CSMD2: variants seen among roughly 807,000 people sequenced by gnomAD.
The protein encoded by CSMD2 is CUB and sushi domain-containing protein 2.
In CSMD2, 130 loss-of-function variants were observed where a neutral mutation model predicts 398.5. That is an observed-to-expected ratio of 0.33 (90% CI 0.28 to 0.38). The LOEUF (loss-of-function observed/expected upper bound fraction) is 0.38. Ranked by LOEUF, CSMD2 falls within the 10% of genes least tolerant of loss-of-function variation. The probability of loss-of-function intolerance (pLI) is 1.00; values close to 1 mark genes in which losing one functional copy is unlikely to be tolerated. For synonymous variants in CSMD2, 1,828 were observed against 1,908.5 expected, an observed-to-expected ratio of 0.96 and a Z score of 1.10; for missense variants, 3,829 against 4,764.9, an observed-to-expected ratio of 0.80 and a Z score of 5.78.
intron 32 of CSMD2, among the ~76,000 whole-genome samples, chr1:33,630,337 A>G (rs1296435991): frequency 5.9e-5 from 9 of 152,226 alleles, no homozygotes; most frequent in Admixed American, 6.5e-5. Flanking sequence ...GTTACAAAAA[A>G]TTCATTTGGT....
chr1:33,571,671 A>G lies in CSMD2; in HGVS notation c.7818T>C (p.Leu2606=). ...GGAACTGATACTGTGTCTCAAAGAT[A>G]AGCCTCCATCGGCCATGCTCCACGC... ...SISVEHGRWR[L]IFETQYQFQA... is the part of the protein sequence containing the mutation. The change falls in exon 51 of 71, where the codon CTT becomes CTC. Residue 2606 remains leucine (L), a synonymous_variant. Transcript: ENST00000373381. The G allele has an allele frequency of 6.3e-7, 1 of 1,578,026 alleles. No individual in the cohort carries two copies.
At chr1:33,588,863 G>A (rs1378460273) in intron 44 of CSMD2, among the ~76,000 whole-genome samples, 1 of 152,088 alleles carries the variant, frequency 6.6e-6, no homozygotes. Context: ...TGAACAGCAT[G>A]GAGTGACACC....
At chr1:33,754,169 A>G (rs1569739800) in intron 13 of CSMD2, among the ~76,000 whole-genome samples, 1 of 152,222 alleles carries the variant, frequency 6.6e-6, no homozygotes, top group African/African-American at 2.4e-5. Context: ...CGAATAGCAC[A>G]TTGAAATGTA....
chr1:34,063,064 TACC>T (rs1654702737), intron 2 of CSMD2, among the ~76,000 whole-genome samples: 1 of 152,086 alleles, frequency 6.6e-6, no homozygotes, highest in Non-Finnish European at 1.5e-5. Context: ...ACTTATTCAC[TACC>T]ACAAGAACAG....
chr1:33,954,364 AG>A (rs1273878721), intron 3 of CSMD2, among the ~76,000 whole-genome samples: 3 of 151,432 alleles, frequency 2.0e-5, no homozygotes, highest in African/African-American at 4.9e-5. Context: ...GATCTAGTGG[AG>A]GCCAAGTGAG....
chr1:33,982,073 A>G (rs949779997), intron 3 of CSMD2, among the ~76,000 whole-genome samples: 3 of 152,144 alleles, frequency 2.0e-5, no homozygotes, highest in African/African-American at 7.2e-5. Context: ...ACAAGATGGA[A>G]CCTCAGGCTA....
chr1:34,086,217 A>G (rs952993702), intron 2 of CSMD2, among the ~76,000 whole-genome samples: 1 of 152,074 alleles, frequency 6.6e-6, no homozygotes, highest in Non-Finnish European at 1.5e-5. Context: ...TCAAACATGC[A>G]TTCAACATTC....
chr1:33,793,904 G>A (rs921554285), intron 10 of CSMD2, among the ~76,000 whole-genome samples: 11 of 152,102 alleles, frequency 7.2e-5, no homozygotes, highest in Non-Finnish European at 2.9e-5. Flanking sequence ...ATAAGGACAG[G>A]ACACACACAG....
intron 1 of CSMD2, among the ~76,000 whole-genome samples, chr1:34,111,851 C>T (rs1661110727): frequency 6.6e-6 from 1 of 152,118 alleles, no homozygotes; most frequent in Non-Finnish European, 1.5e-5. Flanking sequence ...AAGAGCTGAC[C>T]AGAGCTAAGA....
At chr1:33,708,406 T>C (rs905993577) in intron 22 of CSMD2, among the ~76,000 whole-genome samples, 4 of 151,862 alleles carry the variant, frequency 2.6e-5, no homozygotes, top group Non-Finnish European at 4.4e-5. Context: ...ACCAAATAAA[T>C]ACATGGACAC....
intron 44 of CSMD2, among the ~76,000 whole-genome samples, chr1:33,597,447 C>G (rs1213166049): frequency 1.3e-5 from 2 of 152,206 alleles, no homozygotes; most frequent in Non-Finnish European, 2.9e-5. Context: ...CTCCTTGGAG[C>G]AGGAAAGCTG....
chr1:33,996,978 A>G (rs932211348), intron 3 of CSMD2, among the ~76,000 whole-genome samples: 2 of 152,218 alleles, frequency 1.3e-5, no homozygotes, highest in Admixed American at 1.3e-4. Flanking sequence ...TATTCTGCAC[A>G]TGCAGAAACT....
chr1:33,834,275 A>G (rs1659975218), intron 6 of CSMD2, among the ~76,000 whole-genome samples: 2 of 73,480 alleles, frequency 2.7e-5, no homozygotes, highest in South Asian at 1.4e-3. Context: ...AGTAACCAAA[A>G]CAGCATGGTA....
chr1:33,820,572 A>G lies in CSMD2; in HGVS notation c.1112-16T>C. Reference sequence around the variant, plus strand: ...ACCTGAGTTACTACAAGGCAAAAAAAAAAAAAAAAAAAAAAACAGCACACA... The same window carrying G: ...ACCTGAGTTACTACAAGGCAAAAAAGAAAAAAAAAAAAAAAACAGCACACA... On this transcript the variant is annotated splice_polypyrimidine_tract_variant and intron_variant, in intron 7 of 70. Transcript: ENST00000373381. The G allele has an allele frequency of 1.8e-6, 2 of 1,118,332 alleles. No homozygotes were observed. The highest frequency in any genetic ancestry group is 2.6e-6 in the Non-Finnish European group (2 of 761,376). 69.3% of individuals were successfully genotyped at this position (1,118,332 alleles called of 1,614,324 possible). A position where few individuals can be genotyped will look rare whatever the true frequency, so the allele number is the denominator to read the frequency against.
intron 3 of CSMD2, among the ~76,000 whole-genome samples, chr1:33,967,868 G>C (rs1293664839): frequency 6.6e-6 from 1 of 152,200 alleles, no homozygotes; most frequent in Non-Finnish European, 1.5e-5. Flanking sequence ...TGTCTGAAGA[G>C]CCCCATCCTC....
intron 66 of CSMD2, among the ~76,000 whole-genome samples, chr1:33,524,264 AC>A (rs1469703842): frequency 1.3e-5 from 2 of 152,192 alleles, no homozygotes; most frequent in African/African-American, 4.8e-5. Flanking sequence ...GTTTTTATAT[AC>A]TACAAATGGC....
intron 44 of CSMD2, chr1:33,600,443 A>G: frequency 1.8e-6 from 1 of 549,118 alleles, no homozygotes; most frequent in African/African-American, 1.9e-5. Flanking sequence ...TCAAAATCAC[A>G]ATATCTTCAT....
At chr1:33,923,123 G>T (rs1256087465) in intron 4 of CSMD2, among the ~76,000 whole-genome samples, 1 of 151,960 alleles carries the variant, frequency 6.6e-6, no homozygotes, top group African/African-American at 2.4e-5. Flanking sequence ...ACATTTTTAT[G>T]GGGTATGCGT....
intron 3 of CSMD2, among the ~76,000 whole-genome samples, chr1:34,024,564 T>C (rs1384166184): frequency 6.6e-6 from 1 of 152,206 alleles, no homozygotes; most frequent in African/African-American, 2.4e-5. Flanking sequence ...AAATGTCACG[T>C]CTCTATGTAT....
Sources: gnomAD v4.1 joint callset for allele counts (sites outside exome capture counted in the v4.1 genomes callset) on GRCh38, gnomAD v4.1.1 for gene constraint, MANE v1.5 for transcripts, NCBI Gene and HGNC (gene_info 2026-07-23, HGNC 2026-07-21) for gene names.